The following NCKAP5 variants were observed in gnomAD, a reference collection of about 807,000 sequenced individuals.
The protein encoded by NCKAP5 is NCK associated protein 5.
A neutral mutation model predicts 167.0 loss-of-function variants in NCKAP5; 92 were observed. The ratio of observed to expected loss-of-function variants is 0.55; its 90% CI spans 0.47 to 0.66. The LOEUF (loss-of-function observed/expected upper bound fraction) is 0.66. Among genes scored for constraint, NCKAP5 ranks in the 30% least tolerant of loss-of-function variants. The pLI is 0.00. For synonymous variants in NCKAP5, 891 were observed against 877.4 expected (o/e 1.02, Z -0.27); for missense variants, 2,378 against 2,315.0 (o/e 1.03, Z -0.56).
rs748644302 is a variant in NCKAP5 at position 132,682,988 on chromosome 2, A to C, written c.5714-9683T>G. Among the ~76,000 whole-genome samples, 8 of 150,256 alleles carry C rather than the reference A, an allele frequency of 5.3e-5. No individual in the cohort carries two copies. In the South Asian group the frequency reaches 1.7e-3, roughly 32 times the overall value. ...CAACCTCCACCTCCCAGTTCATGCT[A>C]TTCTCCTGCCTCAGTCTCCCAAGTA... On this transcript the variant is annotated intron_variant, in intron 19 of 19. Transcript: ENST00000409261.
At chr2:133,061,462 A>G (rs1367756693) in intron 6 of NCKAP5, among the ~76,000 whole-genome samples, 1 of 152,222 alleles carries the variant, frequency 6.6e-6, no homozygotes, top group East Asian at 1.9e-4. Context: ...ATAAACCCCT[A>G]TGACATGTGT....
the NCKAP5 span, among the ~76,000 whole-genome samples, chr2:133,625,981 C>T: frequency 6.6e-6 from 1 of 151,990 alleles, no homozygotes; most frequent in African/African-American, 2.4e-5. Context: ...AATTGGTCGC[C>T]ATTGGGGGAC....
At chr2:132,887,535 T>G (rs982171365) in intron 8 of NCKAP5, among the ~76,000 whole-genome samples, 4 of 152,186 alleles carry the variant, frequency 2.6e-5, no homozygotes, top group African/African-American at 7.2e-5. Flanking sequence ...ACCTTATATG[T>G]CTGCTTCTCC....
intron 6 of NCKAP5, among the ~76,000 whole-genome samples, chr2:133,072,948 C>CT (rs2080468860): frequency 2.0e-5 from 3 of 152,112 alleles, no homozygotes; most frequent in Admixed American, 1.3e-4. Context: ...CTCCCTTGCA[C>CT]TAACTACAAC....
chr2:133,191,470 C>T lies in NCKAP5; in HGVS notation c.207+22246G>A, dbSNP rs181280697. ...ATGCTCCTATAAAGACACATGCACACGTATGTTTATTGCAGCACTATTCAC... is the reference window on the plus strand; with the variant it reads ...ATGCTCCTATAAAGACACATGCACATGTATGTTTATTGCAGCACTATTCAC... On this transcript the variant is annotated intron_variant, in intron 5 of 19. Coordinates refer to ENST00000409261, the MANE Select transcript of NCKAP5 (RefSeq NM_207363.3). 1.4e-4 allele frequency among the ~76,000 whole-genome samples: 22 copies of T among 152,266 alleles called. No homozygotes were observed. In the East Asian group the frequency reaches 3.9e-3, roughly 27 times the overall value.
intron 6 of NCKAP5, among the ~76,000 whole-genome samples, chr2:133,112,993 G>A (rs2081964584): frequency 6.6e-6 from 1 of 152,144 alleles, no homozygotes; most frequent in Admixed American, 6.5e-5. Context: ...GGGCAGCCAG[G>A]GCAGTTCTCC....
rs575846622 is a variant in NCKAP5 at position 133,113,533 on chromosome 2, G to A, written c.341+16445C>T. On this transcript the variant is annotated intron_variant, in intron 6 of 19. Transcript: ENST00000409261. ...CCTGAGCTTCAGGGGGCTTCACTCC[G>A]AGCCTCCTCTAGCCATCCCCTTCCA... 1.6e-4 allele frequency among the ~76,000 whole-genome samples: 24 copies of A among 152,266 alleles called. 1 individual carries two copies. In the South Asian group the frequency reaches 3.7e-3, roughly 24 times the overall value.
chr2:133,249,212 G>A (rs111372008), intron 4 of NCKAP5, among the ~76,000 whole-genome samples: 10 of 152,286 alleles, frequency 6.6e-5, no homozygotes, highest in African/African-American at 2.2e-4. Flanking sequence ...TTGAGATGGG[G>A]AAGTTATCCT....
chr2:132,783,921 T>A lies in NCKAP5; in HGVS notation c.2890A>T (p.Thr964Ser). ...TKSETRVPSE[T>S]ARTPFKSPLL... ...GGGGATTTGAATGGGGTCCTTGCTGTTTCACTGGGGACCCTGGTTTCGGAC... is the reference window on the plus strand; with the variant it reads ...GGGGATTTGAATGGGGTCCTTGCTGATTCACTGGGGACCCTGGTTTCGGAC... The change falls in exon 14 of 20, where the codon ACA (threonine) becomes TCA (serine). Residue 964 changes from threonine (T) to serine (S), a missense_variant. By Grantham distance (58) the Thr-to-Ser change is moderately conservative (BLOSUM62 1). This residue lies in a region of NCKAP5 where 1,325 missense variants were observed against 1,274.5 expected (regional missense o/e 1.04). Coordinates refer to ENST00000409261, the MANE Select transcript of NCKAP5 (RefSeq NM_207363.3). 1 of 1,566,550 alleles carries A rather than the reference T, an allele frequency of 6.4e-7. No individual in the cohort carries two copies. The highest frequency in any genetic ancestry group is 8.6e-7 in the Non-Finnish European group (1 of 1,161,098).
intron 11 of NCKAP5, among the ~76,000 whole-genome samples, chr2:132,856,611 G>A (rs541840499): frequency 2.4e-4 from 37 of 152,248 alleles, no homozygotes; most frequent in Admixed American, 7.2e-4. Flanking sequence ...CTAAGAATAC[G>A]AGAATAATGT....
chr2:132,793,543 C>A (rs1448605163), intron 12 of NCKAP5, among the ~76,000 whole-genome samples: 1 of 152,230 alleles, frequency 6.6e-6, no homozygotes, highest in Non-Finnish European at 1.5e-5. Flanking sequence ...TTCCCAGGTG[C>A]TTCAATGCTG....
intron 1 of NCKAP5, among the ~76,000 whole-genome samples, chr2:133,562,687 G>A (rs1688248786): frequency 6.6e-6 from 1 of 152,166 alleles, no homozygotes; most frequent in East Asian, 1.9e-4. Context: ...CTTCTACAAT[G>A]CATCCAAATT....
chr2:133,386,503 G>A (rs903353395), intron 3 of NCKAP5, among the ~76,000 whole-genome samples: 1 of 152,220 alleles, frequency 6.6e-6, no homozygotes. Flanking sequence ...GTGGTGTGGT[G>A]CTGAGAAGAA....
intron 4 of NCKAP5, among the ~76,000 whole-genome samples, chr2:133,243,867 TG>T (rs1212439245): frequency 2.0e-5 from 3 of 152,244 alleles, no homozygotes; most frequent in Non-Finnish European, 2.9e-5. Context: ...TCCCATCACT[TG>T]TAACGTGTTT....
intron 16 of NCKAP5, among the ~76,000 whole-genome samples, chr2:132,752,948 T>C (rs2104799939): frequency 6.6e-6 from 1 of 152,328 alleles, no homozygotes; most frequent in South Asian, 2.1e-4. Context: ...TCCCTCTTAC[T>C]TGGGAGAGGA....
chr2:133,043,400 C>A (rs1006661888), intron 6 of NCKAP5, among the ~76,000 whole-genome samples: 3 of 152,078 alleles, frequency 2.0e-5, no homozygotes, highest in Non-Finnish European at 4.4e-5. Flanking sequence ...ATAAAATTTG[C>A]CTGAACGTAT....
intron 6 of NCKAP5, among the ~76,000 whole-genome samples, chr2:133,025,569 G>A (rs1024700205): frequency 1.3e-5 from 2 of 152,150 alleles, no homozygotes; most frequent in East Asian, 1.9e-4. Flanking sequence ...TTTTAGAGGA[G>A]AGCCTGACAC....
rs375138474 is a variant in NCKAP5, at chr2:132,783,117, G to A, written c.3694C>T (p.Pro1232Ser). Residue 1232 changes from proline to serine, a missense_variant, in exon 14 of 20, where the codon CCA becomes TCA. Around this residue, in one of 3 missense-constraint regions of NCKAP5, gnomAD observed 1,325 missense variants for 1,274.5 expected, o/e 1.04. Coordinates refer to ENST00000409261, the MANE Select transcript of NCKAP5 (RefSeq NM_207363.3). Reference sequence around the variant, plus strand: ...CTCCCAGGGATGCTACTTTCCAATGGCTCTTGTAGTGCTGTTTCCAGGGGA... The same window carrying A: ...CTCCCAGGGATGCTACTTTCCAATGACTCTTGTAGTGCTGTTTCCAGGGGA... ...GLPLETALQE[P>S]LESSIPGSDG... 6.2e-7 allele frequency: 1 copy of A among 1,613,584 alleles called. No individual in the cohort carries two copies. Among genetic ancestry groups the A allele is most frequent in the African/African-American group, 1.3e-5 (1 of 74,874 alleles).
At chr2:133,642,211 C>G in the NCKAP5 span, among the ~76,000 whole-genome samples, 1 of 152,134 alleles carries the variant, frequency 6.6e-6, no homozygotes, top group Admixed American at 6.5e-5. Flanking sequence ...CTGAAACTCA[C>G]CCCCTGCAGG....
Sources: allele counts gnomAD v4.1 joint callset (sites outside exome capture counted in the v4.1 genomes callset), GRCh38; gene constraint gnomAD v4.1.1; regional missense constraint gnomAD v4.1.1; transcripts MANE v1.5; gene names NCBI Gene and HGNC (gene_info 2026-07-23, HGNC 2026-07-21).